ACBD3: variants seen among roughly 807,000 people sequenced by gnomAD.
The protein encoded by ACBD3 is Golgi resident protein GCP60.
ACBD3 carries 30 observed loss-of-function variants against 66.9 expected under a neutral mutation model. That is an observed-to-expected ratio of 0.45 (90% confidence interval 0.34 to 0.61). The LOEUF (loss-of-function observed/expected upper bound fraction) is 0.61, where lower values mean the gene tolerates loss of function less well. Among genes scored for constraint, ACBD3 ranks in the 20% least tolerant of loss-of-function variants. The pLI is 0.02. For synonymous variants in ACBD3, 278 were observed against 259.8 expected (o/e 1.07, Z -0.68); for missense variants, 544 against 664.5 (o/e 0.82, Z 1.99).
At chr1:226,165,391 G>A (rs1047610332) in intron 2 of ACBD3, among the ~76,000 whole-genome samples, 2 of 151,978 alleles carry the variant, frequency 1.3e-5, no homozygotes, top group African/African-American at 4.8e-5. Flanking sequence ...GGCTGGTCTT[G>A]AACTCCTGAC....
intron 7 of ACBD3, among the ~76,000 whole-genome samples, chr1:226,151,153 G>A (rs913955109): frequency 6.6e-5 from 10 of 152,140 alleles, no homozygotes; most frequent in Admixed American, 6.5e-4. Flanking sequence ...CTTATTCCAT[G>A]TACTTTCAAT....
At chr1:226,149,685 T>A (rs1354884163) in intron 7 of ACBD3, among the ~76,000 whole-genome samples, 1 of 150,840 alleles carries the variant, frequency 6.6e-6, no homozygotes, top group African/African-American at 2.4e-5. Context: ...GGACTACAGG[T>A]GCACACCATC....
rs78902019 is a variant in ACBD3, at chr1:226,166,075, C to A, written c.287-75G>T. On this transcript the variant is annotated intron_variant, in intron 1 of 7. Transcript: ENST00000366812. ...TAATTTTCAGCATTATATACTAAAGCTTTGCTACAAAGCATGTCACAAACT... is the reference window on the plus strand; with the variant it reads ...TAATTTTCAGCATTATATACTAAAGATTTGCTACAAAGCATGTCACAAACT... The A allele has an allele frequency of 6.0e-3, 8,743 of 1,456,048 alleles. 411 individuals carry two copies. In the African/African-American group the frequency reaches 0.11, roughly 18 times the overall value. 90.2% of individuals were successfully genotyped at this position (1,456,048 alleles called of 1,614,324 possible).
Position 226,161,594 on chromosome 1 carries a change from A to C in ACBD3, c.665T>G (p.Leu222Arg). Residue 222 changes from leucine to arginine, a missense_variant, in exon 4 of 8, where the codon CTT (leucine) becomes CGT (arginine). By Grantham distance (102) the Leu-to-Arg change is moderately radical. This residue lies in a region of ACBD3 where 383 missense variants were observed against 462.4 expected (regional missense o/e 0.83). Coordinates refer to ENST00000366812, the MANE Select transcript of ACBD3 (RefSeq NM_022735.4). Reference sequence around the variant, plus strand: ...TCTCCTTTCCTCTTCCTCCCGTCGAAGCCTTTCCTCTTCTTCTCTCCTACG... The same window carrying C: ...TCTCCTTTCCTCTTCCTCCCGTCGACGCCTTTCCTCTTCTTCTCTCCTACG... ...EKRRREEEER[L>R]RREEEERRRI... is the part of the protein sequence containing the mutation. 6.2e-7 allele frequency: 1 copy of C among 1,613,914 alleles called. No homozygotes were observed. Among genetic ancestry groups the C allele is most frequent in the Non-Finnish European group, 8.5e-7 (1 of 1,179,980 alleles).
chr1:226,152,689 G>C (rs1054031525), intron 6 of ACBD3, 70 bp from the exon 7 acceptor site: 2 of 1,433,610 alleles, frequency 1.4e-6, no homozygotes, highest in South Asian at 2.6e-5. Flanking sequence ...CATTTTCATA[G>C]CACTACCTGA....
chr1:226,154,803 C>T lies in ACBD3; in HGVS notation c.934G>A (p.Val312Met). The change falls in exon 6 of 8, where the codon GTG becomes ATG. Residue 312 changes from valine to methionine, a missense_variant. Val to Met is a conservative substitution (Grantham distance 21). This residue lies in a region of ACBD3 where 383 missense variants were observed against 462.4 expected (regional missense o/e 0.83). Transcript: ENST00000366812. Reference protein sequence around the residue: ...AALQKQQEVVVAGSSLPTSSK... With the variant: ...AALQKQQEVVMAGSSLPTSSK... ...GATGTAGGCAAGGAAGACCCAGCCA[C>T]TACTACTTCCTGTTGTTTCTGTAAT... The T allele has an allele frequency of 6.2e-7, 1 of 1,610,628 alleles. No individual in the cohort carries two copies. The highest frequency in any genetic ancestry group is 1.3e-5 in the African/African-American group (1 of 74,900).
At position 226,179,643 on chromosome 1, in the gene ACBD3, T is replaced by A. The variant is rs549673691; in HGVS notation, c.286+6747A>T. ...GAGGCCGGGTGGGCAGATCACCTGA[T>A]GTTGGGAGTTTGGGACCAGCCTGAC... is the stretch of plus-strand genomic sequence containing the variant. On this transcript the variant is annotated intron_variant, in intron 1 of 7. Transcript: ENST00000366812. 3.8e-4 allele frequency among the ~76,000 whole-genome samples: 58 copies of A among 152,026 alleles called. 1 individual carries two copies. Among genetic ancestry groups the A allele is most frequent in the Admixed American group, 5.9e-4 (9 of 15,262 alleles).
chr1:226,170,174 T>TC (rs1185726351), intron 1 of ACBD3, among the ~76,000 whole-genome samples: 2 of 149,822 alleles, frequency 1.3e-5, no homozygotes, highest in African/African-American at 2.4e-5. Flanking sequence ...GTTTTTTTTT[T>TC]TGAGACGGAG....
chr1:226,186,631 G>C lies in ACBD3; in HGVS notation c.45C>G (p.Asp15Glu). The stretch of plus-strand genomic sequence containing the variant: ...CCGGGTCCGGGCTGAGCGTGAGGCC[G>C]TCGACGGACACCTCGAGTCGCTCTG... The part of the protein sequence containing the change: ...LNAERLEVSV[D>E]GLTLSPDPEE... Residue 15 changes from aspartate (D) to glutamate (E), a missense_variant, in exon 1 of 8, where the codon GAC becomes GAG. Transcript: ENST00000366812. 1 of 1,510,760 alleles carries C rather than the reference G, an allele frequency of 6.6e-7. No individual in the cohort carries two copies. The highest frequency in any genetic ancestry group is 8.8e-7 in the Non-Finnish European group (1 of 1,136,742). 93.6% of individuals were successfully genotyped at this position (1,510,760 alleles called of 1,614,324 possible). A position where few individuals can be genotyped will look rare whatever the true frequency, so the allele number is the denominator to read the frequency against.
At chr1:226,149,612 C>G (rs1051790756) in intron 7 of ACBD3, among the ~76,000 whole-genome samples, 1 of 131,340 alleles carries the variant, frequency 7.6e-6, no homozygotes, top group African/African-American at 2.9e-5. Flanking sequence ...TTGATCTCAG[C>G]TCACTGCAAC....
chr1:226,154,731 C>T lies in ACBD3; in HGVS notation c.1006G>A (p.Gly336Arg). The change falls in exon 6 of 8, where the codon GGA (glycine) becomes AGA (arginine). Residue 336 changes from glycine to arginine, a missense_variant. By Grantham distance (125) the Gly-to-Arg change is moderately radical. Transcript: ENST00000366812. ...TVPSNMMSVN[G>R]QAKTHTDSSE... The stretch of plus-strand genomic sequence containing the variant: ...CTGTCAGTGTGTGTTTTGGCCTGTC[C>T]ATTAACTGACATCATATTACTTGGT... 6.2e-7 allele frequency: 1 copy of T among 1,613,904 alleles called. No homozygotes were observed. The highest frequency in any genetic ancestry group is 1.6e-4 in the Middle Eastern group (1 of 6,062).
chr1:226,157,425 G>C (rs913797973), intron 5 of ACBD3, among the ~76,000 whole-genome samples: 1 of 152,106 alleles, frequency 6.6e-6, no homozygotes. Context: ...TTTTAATAGA[G>C]ATGGGGTTTC....
At chr1:226,168,238 A>G (rs986368587) in intron 1 of ACBD3, among the ~76,000 whole-genome samples, 12 of 152,212 alleles carry the variant, frequency 7.9e-5, no homozygotes, top group African/African-American at 2.9e-4. Context: ...CTCTCTCAAA[A>G]TATCTGAATG....
rs138335003 is a variant in ACBD3 at position 226,170,695 on chromosome 1, CCTGA to C, written c.287-4699_287-4696del. Among the ~76,000 whole-genome samples the C allele has an allele frequency of 7.4e-3, 1,124 of 152,000 alleles. 15 individuals are homozygous for C. The highest frequency in any genetic ancestry group is 0.025 in the African/African-American group (1,029 of 41,438). On this transcript the variant is annotated intron_variant, in intron 1 of 7. Transcript: ENST00000366812. ...GATATGAAAAAAATTTTTTGAAATC[CCTGA>C]CTATTGCTATAAAGTTATCTGTAAA...
At chr1:226,148,784 A>T (rs1659506457) in intron 7 of ACBD3, among the ~76,000 whole-genome samples, 1 of 152,226 alleles carries the variant, frequency 6.6e-6, no homozygotes, top group Non-Finnish European at 1.5e-5. Context: ...CTACCATATG[A>T]AATACAAGAC....
intron 3 of ACBD3, among the ~76,000 whole-genome samples, chr1:226,164,129 A>C (rs1035582441): frequency 6.6e-6 from 1 of 151,166 alleles, no homozygotes; most frequent in African/African-American, 2.4e-5. Context: ...AAAAAAAAAA[A>C]AAAAAAAAAA....
rs760142815 is a variant in ACBD3, at chr1:226,159,384, T to G, written c.729-26A>C. On this transcript the variant is annotated intron_variant, in intron 4 of 7. Coordinates refer to ENST00000366812, the MANE Select transcript of ACBD3 (RefSeq NM_022735.4). ...CTAAAAACATTAAAAATATATATAC[T>G]AGTCTGGCTACAGGAGATTGTTCAT... 18 of 1,607,004 alleles carry G rather than the reference T, an allele frequency of 1.1e-5. No homozygotes were observed. The Admixed American group carries it at 1.8e-4, about 16-fold the overall frequency.
chr1:226,171,771 G>A (rs1659998108), intron 1 of ACBD3, among the ~76,000 whole-genome samples: 1 of 151,448 alleles, frequency 6.6e-6, no homozygotes, highest in South Asian at 2.1e-4. Flanking sequence ...CTGAACTCCT[G>A]ACCTCAGGTG....
intron 1 of ACBD3, among the ~76,000 whole-genome samples, chr1:226,170,204 C>G (rs1204894786): frequency 6.9e-6 from 1 of 144,812 alleles, no homozygotes; most frequent in Admixed American, 7.1e-5. Flanking sequence ...GTCACCCAGG[C>G]TGGAGTGCAG....
Sources: gnomAD v4.1 joint callset for allele counts (sites outside exome capture counted in the v4.1 genomes callset) on GRCh38, gnomAD v4.1.1 for gene constraint, gnomAD v4.1.1 regional missense constraint, MANE v1.5 for transcripts, NCBI Gene and HGNC (gene_info 2026-07-23, HGNC 2026-07-21) for gene names.